Variants in ZFHX3 observed in about 807,000 individuals in gnomAD.
The protein encoded by ZFHX3 is zinc finger homeobox 3, also known as zinc finger homeobox protein 3.
Under a neutral mutation model 279.1 loss-of-function variants are expected in ZFHX3, and 42 were observed. That is an observed-to-expected ratio of 0.15 (90% CI 0.12 to 0.19). ZFHX3 has a LOEUF of 0.19. Among genes scored for constraint, ZFHX3 ranks in the 10% least tolerant of loss-of-function variants. The pLI is 1.00. For synonymous variants in ZFHX3, 2,293 were observed against 1,957.8 expected, an observed-to-expected ratio of 1.17 and a Z score of -4.52; for missense variants, 4,981 against 4,754.0, an observed-to-expected ratio of 1.05 and a Z score of -1.40.
At chr16:73,349,324 G>A (rs2016180718) in intron 3 of ZFHX3, among the ~76,000 whole-genome samples, 1 of 152,128 alleles carries the variant, frequency 6.6e-6, no homozygotes, top group Non-Finnish European at 1.5e-5. Context: ...ACACCTAGTT[G>A]GAGATTGATC....
intron 4 of ZFHX3, among the ~76,000 whole-genome samples, chr16:73,308,268 TATA>T (rs2015238314): frequency 1.2e-5 from 1 of 82,124 alleles, no homozygotes; most frequent in Admixed American, 1.5e-4. Flanking sequence ...TATATATATA[TATA>T]TATATATTTA....
intron 7 of ZFHX3, among the ~76,000 whole-genome samples, chr16:73,108,454 A>C (rs373982487): frequency 8.5e-5 from 13 of 152,120 alleles, no homozygotes; most frequent in African/African-American, 3.1e-4. Context: ...CCTAGGCTAG[A>C]GTGCAGTGGT....
At chr16:73,082,610 C>CT (rs140993570) in intron 8 of ZFHX3, among the ~76,000 whole-genome samples, 3,839 of 151,550 alleles carry the variant, frequency 0.025, 150 homozygotes, top group African/African-American at 0.086. Context: ...AACTTACTTT[C>CT]TTTTTTTTTG....
intron 1 of ZFHX3, among the ~76,000 whole-genome samples, chr16:73,034,356 C>T (rs961720750): frequency 3.2e-4 from 48 of 152,158 alleles, no homozygotes; most frequent in African/African-American, 1.1e-3. Context: ...CGGTGACCCT[C>T]CCAACAGTGG....
intron 3 of ZFHX3, among the ~76,000 whole-genome samples, chr16:73,443,843 C>T (rs150106841): frequency 0.014 from 2,089 of 152,222 alleles, 47 homozygotes; most frequent in African/African-American, 0.048. Context: ...CAGCCTCTAC[C>T]TCCTGGGCTC....
At chr16:73,608,654 G>C (rs1048243764) in intron 2 of ZFHX3, 1 of 151,914 alleles carries the variant, frequency 6.6e-6, no homozygotes, top group Non-Finnish European at 1.5e-5. Flanking sequence ...TCCTCTATTT[G>C]ATGTGATGCG....
At chr16:72,854,213 C>T (rs2037692767) in intron 4 of ZFHX3, among the ~76,000 whole-genome samples, 1 of 152,230 alleles carries the variant, frequency 6.6e-6, no homozygotes. Context: ...TCTCCCTCCC[C>T]TGCCTGCTAA....
intron 4 of ZFHX3, among the ~76,000 whole-genome samples, chr16:73,314,538 C>T (rs971538507): frequency 2.6e-5 from 4 of 152,148 alleles, no homozygotes; most frequent in Admixed American, 2.6e-4. Flanking sequence ...GCTCTGTAGT[C>T]CGTGCTCCTA....
intron 2 of ZFHX3, among the ~76,000 whole-genome samples, chr16:73,519,684 G>A (rs972022428): frequency 6.6e-6 from 1 of 152,082 alleles, no homozygotes; most frequent in African/African-American, 2.4e-5. Context: ...GACTTCAAAG[G>A]TTGAAGGTTC....
chr16:73,613,783 C>T (rs2052271697), intron 2 of ZFHX3, among the ~76,000 whole-genome samples: 1 of 152,194 alleles, frequency 6.6e-6, no homozygotes. Context: ...GCGCATTTCA[C>T]AAGTAGTATT....
chr16:73,780,582 C>T (rs1160221002), intron 1 of ZFHX3, among the ~76,000 whole-genome samples: 2 of 151,970 alleles, frequency 1.3e-5, no homozygotes, highest in South Asian at 2.1e-4. Context: ...AGCTGGATTA[C>T]AGGCATGCGC....
intron 3 of ZFHX3, among the ~76,000 whole-genome samples, chr16:73,441,136 C>G (rs1206459208): frequency 1.3e-5 from 2 of 151,840 alleles, no homozygotes; most frequent in Non-Finnish European, 2.9e-5. Context: ...AAATGGTACC[C>G]CAGTGCCCTG....
intron 2 of ZFHX3, chr16:73,554,248 T>C: frequency 6.6e-6 from 1 of 151,546 alleles, no homozygotes; most frequent in Non-Finnish European, 1.5e-5. Flanking sequence ...GATAGAACGA[T>C]TTTTTTTTCT....
At chr16:72,957,043 T>A (rs530969190) in intron 2 of ZFHX3, among the ~76,000 whole-genome samples, 2 of 152,254 alleles carry the variant, frequency 1.3e-5, no homozygotes, top group East Asian at 3.9e-4. Context: ...AATGATTGCC[T>A]CAGCTACAGT....
rs66982395 is a variant in ZFHX3, at chr16:72,909,877, CAAAA to C, written c.3217-19919_3217-19916del. On this transcript the variant is annotated intron_variant, in intron 3 of 9. Transcript: ENST00000268489. ...TGGGTGACAAAGTGACACCGTGTCT[CAAAA>C]AAAAAAAAAAAAAAAAAAATTAAAA... Among the ~76,000 whole-genome samples, 568 of 82,300 alleles carry C rather than the reference CAAAA, an allele frequency of 6.9e-3. 1 individual carries two copies. The highest frequency in any genetic ancestry group is 9.4e-3 in the Non-Finnish European group (403 of 42,826). 54.0% of individuals were successfully genotyped at this position (82,300 alleles called of 152,430 possible).
intron 2 of ZFHX3, among the ~76,000 whole-genome samples, chr16:73,612,204 GA>G (rs2052253879): frequency 6.6e-6 from 1 of 152,036 alleles, no homozygotes; most frequent in African/African-American, 2.4e-5. Context: ...CACTTGCAAT[GA>G]TTTTTTTTTT....
At chr16:73,078,793 C>T (rs1046009192) in intron 8 of ZFHX3, among the ~76,000 whole-genome samples, 4 of 151,980 alleles carry the variant, frequency 2.6e-5, no homozygotes, top group Non-Finnish European at 5.9e-5. Flanking sequence ...TACAGGCGTC[C>T]GCCACCATGC....
At chr16:73,850,136 T>C (rs1961557739) in intron 1 of ZFHX3, among the ~76,000 whole-genome samples, 1 of 152,218 alleles carries the variant, frequency 6.6e-6, no homozygotes, top group African/African-American at 2.4e-5. Context: ...CTTCCTTTGA[T>C]GAGGATTTAC....
chr16:72,847,003 G>A (rs1049578658), intron 4 of ZFHX3, among the ~76,000 whole-genome samples: 1 of 152,196 alleles, frequency 6.6e-6, no homozygotes, highest in South Asian at 2.1e-4. Flanking sequence ...CACCAAGACT[G>A]GGGTGAAGGA....
Sources: gnomAD v4.1 joint callset for allele counts (sites outside exome capture counted in the v4.1 genomes callset) on GRCh38, gnomAD v4.1.1 for gene constraint, MANE v1.5 for transcripts, NCBI Gene and HGNC (gene_info 2026-07-23, HGNC 2026-07-21) for gene names.